The following RANBP10 variants were observed in gnomAD, a reference collection of about 807,000 sequenced individuals.
RANBP10 encodes the protein ran-binding protein 10.
A neutral mutation model predicts 72.8 loss-of-function variants in RANBP10; 24 were observed. The observed-to-expected ratio is 0.33, with a 90% CI of 0.24 to 0.46. The LOEUF is 0.46. Among genes scored for constraint, RANBP10 ranks in the 20% least tolerant of loss-of-function variants. The pLI, the probability that RANBP10 is intolerant of heterozygous loss-of-function variation, is 1.00. For synonymous variants in RANBP10, 310 were observed against 322.3 expected (o/e 0.96, Z 0.41); for missense variants, 679 against 817.5 (o/e 0.83, Z 2.07).
intron 6 of RANBP10, among the ~76,000 whole-genome samples, chr16:67,732,185 C>T (rs573274087): frequency 6.6e-5 from 10 of 152,268 alleles, no homozygotes; most frequent in African/African-American, 2.4e-4. Context: ...CACCATGATA[C>T]ACCACAAATC....
At chr16:67,770,802 G>A (rs2054594179) in intron 3 of RANBP10, among the ~76,000 whole-genome samples, 1 of 152,178 alleles carries the variant, frequency 6.6e-6, no homozygotes, top group African/African-American at 2.4e-5. Flanking sequence ...GCCAGGTGTG[G>A]TAGCACATGC....
At chr16:67,738,174 C>A in intron 4 of RANBP10, 139 bp from the exon 5 acceptor site, 1 of 984,832 alleles carries the variant, frequency 1.0e-6, no homozygotes. Context: ...AGTCTCCCTC[C>A]GTAGCCCAGG....
chr16:67,768,782 C>T (rs2054550766), intron 3 of RANBP10, among the ~76,000 whole-genome samples: 1 of 152,130 alleles, frequency 6.6e-6, no homozygotes, highest in African/African-American at 2.4e-5. Context: ...AGACCACATC[C>T]TAAGACTACC....
intron 3 of RANBP10, among the ~76,000 whole-genome samples, chr16:67,756,258 C>A (rs546634322): frequency 6.6e-6 from 1 of 152,342 alleles, no homozygotes; most frequent in African/African-American, 2.4e-5. Flanking sequence ...AGGCCTCAGT[C>A]CCAGGCAGTG....
At position 67,806,310 on chromosome 16, in the gene RANBP10, T is replaced by C. The variant is rs147865251; in HGVS notation, c.227A>G (p.His76Arg). ...IGLSQGNLRV[H>R]YKGHGKNHKD... ...GCCTGACGGGCCGATACCTTTGTAG[T>C]GGACGCGGAGGTTGCCCTGGGAGAG... Residue 76 changes from histidine (H) to arginine (R), a missense_variant, in exon 1 of 14, where the codon CAC becomes CGC. Physicochemically the swap from His to Arg is conservative, Grantham distance 29. Transcript: ENST00000317506. 3.1e-6 allele frequency: 5 copies of C among 1,612,014 alleles called. No individual in the cohort carries two copies. The highest frequency in any genetic ancestry group is 1.7e-4 in the Middle Eastern group (1 of 6,054).
chr16:67,800,026 C>T (rs375255967), intron 2 of RANBP10, among the ~76,000 whole-genome samples: 11 of 152,150 alleles, frequency 7.2e-5, no homozygotes, highest in African/African-American at 2.2e-4. Flanking sequence ...GAGGGTGAGG[C>T]AGGGGAATCA....
At chr16:67,746,210 G>A (rs1311694917) in intron 3 of RANBP10, among the ~76,000 whole-genome samples, 1 of 151,838 alleles carries the variant, frequency 6.6e-6, no homozygotes, top group Non-Finnish European at 1.5e-5. Context: ...GGCTGGGCAT[G>A]GTGGCTCGCA....
At chr16:67,765,242 A>C (rs920975632) in intron 3 of RANBP10, among the ~76,000 whole-genome samples, 3 of 151,212 alleles carry the variant, frequency 2.0e-5, no homozygotes, top group African/African-American at 7.3e-5. Flanking sequence ...TAAAAAATAA[A>C]TTAGCCAGGT....
intron 3 of RANBP10, among the ~76,000 whole-genome samples, chr16:67,746,022 G>A (rs1423128457): frequency 6.6e-6 from 1 of 152,040 alleles, no homozygotes; most frequent in East Asian, 1.9e-4. Context: ...CGGGCATGGT[G>A]GTGCATGCCT....
At chr16:67,738,140 TTTGTTG>T in intron 4 of RANBP10, 105 bp from the exon 5 acceptor site, 2 of 1,297,908 alleles carry the variant, frequency 1.5e-6, no homozygotes. Flanking sequence ...TTTTTTTTGG[TTTGTTG>T]TTGTTGTTTT....
intron 4 of RANBP10, among the ~76,000 whole-genome samples, chr16:67,742,013 G>A (rs961921619): frequency 2.6e-5 from 4 of 151,766 alleles, no homozygotes; most frequent in African/African-American, 9.7e-5. Context: ...TTTCAGTAAG[G>A]TCTCAATAAT....
intron 2 of RANBP10, among the ~76,000 whole-genome samples, chr16:67,780,157 G>A (rs1045234071): frequency 6.6e-6 from 1 of 152,108 alleles, no homozygotes; most frequent in African/African-American, 2.4e-5. Context: ...ACTTGAACCC[G>A]GGAGGCGGAG....
chr16:67,723,104 T>G lies in RANBP10; in HGVS notation c.*3324A>C, dbSNP rs1447143645. The G allele has an allele frequency of 6.6e-6, 1 of 152,584 alleles. No homozygotes were observed. Among genetic ancestry groups the G allele is most frequent in the Non-Finnish European group, 1.5e-5 (1 of 68,034 alleles). The allele number at this position is 152,584 out of a possible 1,614,324, so 9.5% of individuals were successfully genotyped here. The stretch of plus-strand genomic sequence containing the variant: ...ATGTGTATTTTAATAAAAATAATTC[T>G]GTCAAAATACAACAGAGTTTTTTTT... On this transcript the variant is annotated 3_prime_UTR_variant, in exon 14 of 14. Transcript: ENST00000317506.
At chr16:67,787,196 G>A (rs1223910885) in intron 2 of RANBP10, among the ~76,000 whole-genome samples, 9 of 152,222 alleles carry the variant, frequency 5.9e-5, no homozygotes, top group African/African-American at 2.2e-4. Flanking sequence ...CTGAGATAGC[G>A]CCAGTGCACT....
chr16:67,794,930 T>TAAAAAAAA (rs1239858200), intron 2 of RANBP10, among the ~76,000 whole-genome samples: 2 of 54,288 alleles, frequency 3.7e-5, no homozygotes, highest in African/African-American at 1.2e-4. Flanking sequence ...TGCCTCAAAT[T>TAAAAAAAA]AAAAAAAAAA....
Position 67,785,926 on chromosome 16 carries a change from T to A in RANBP10, c.348-13840A>T, listed in dbSNP as rs540699463. ...CTGTAGTCCCAGCTACTCGGGAGGCTGAGGCAGGAGAATGGCGTTAACTTG... is the reference window on the plus strand; with the variant it reads ...CTGTAGTCCCAGCTACTCGGGAGGCAGAGGCAGGAGAATGGCGTTAACTTG... On this transcript the variant is annotated intron_variant, in intron 2 of 13. Transcript: ENST00000317506. 6.5e-3 allele frequency among the ~76,000 whole-genome samples: 984 copies of A among 151,038 alleles called. 14 individuals are homozygous for A. The highest frequency in any genetic ancestry group is 0.022 in the African/African-American group (890 of 40,992).
At chr16:67,727,641 G>T in intron 12 of RANBP10, 110 bp downstream of exon 12, 1 of 1,533,328 alleles carries the variant, frequency 6.5e-7, no homozygotes, top group South Asian at 1.2e-5. Context: ...TCCCTCTGCA[G>T]ACCTGGCTGG....
chr16:67,799,513 T>C (rs2055197350), intron 2 of RANBP10, among the ~76,000 whole-genome samples: 1 of 152,084 alleles, frequency 6.6e-6, no homozygotes, highest in South Asian at 2.1e-4. Flanking sequence ...GGTCTCGATC[T>C]CCTTACCTCG....
At chr16:67,767,175 C>A (rs1195081321) in intron 3 of RANBP10, among the ~76,000 whole-genome samples, 1 of 152,156 alleles carries the variant, frequency 6.6e-6, no homozygotes, top group Non-Finnish European at 1.5e-5. Context: ...AAAAGAGAAA[C>A]AGACTAGGCT....
Sources: gnomAD v4.1 joint callset for allele counts (sites outside exome capture counted in the v4.1 genomes callset) on GRCh38, gnomAD v4.1.1 for gene constraint, MANE v1.5 for transcripts, NCBI Gene and HGNC (gene_info 2026-07-23, HGNC 2026-07-21) for gene names.